EYS: variants seen among roughly 807,000 people sequenced by gnomAD.
The protein encoded by EYS is protein eyes shut homolog.
In EYS, 250 loss-of-function variants were observed where a neutral mutation model predicts 282.1. The ratio of observed to expected loss-of-function variants is 0.89; its 90% CI spans 0.80 to 0.98. The LOEUF (loss-of-function observed/expected upper bound fraction) is 0.98. EYS is among the 50% of genes least tolerant of loss of function. The probability of loss-of-function intolerance (pLI) is 0.00; values close to 1 mark genes in which losing one functional copy is unlikely to be tolerated. For synonymous variants in EYS, 1,355 were observed against 1,282.9 expected (o/e 1.06, Z -1.20); for missense variants, 4,016 against 3,709.0 (o/e 1.08, Z -2.15).
At chr6:64,361,458 A>G (rs1375488994) in intron 29 of EYS, among the ~76,000 whole-genome samples, 3 of 151,804 alleles carry the variant, frequency 2.0e-5, no homozygotes, top group Non-Finnish European at 4.4e-5. Flanking sequence ...TAATTTGAAG[A>G]AGATAATATA....
intron 26 of EYS, among the ~76,000 whole-genome samples, chr6:64,538,276 A>C (rs1009980727): frequency 6.6e-6 from 1 of 152,204 alleles, no homozygotes; most frequent in Non-Finnish European, 1.5e-5. Flanking sequence ...TAGACAAATT[A>C]GTTCATAATT....
At chr6:64,286,218 A>T (rs367768402) in intron 30 of EYS, among the ~76,000 whole-genome samples, 14 of 152,168 alleles carry the variant, frequency 9.2e-5, no homozygotes, top group African/African-American at 3.4e-4. Context: ...GTGAGGGATG[A>T]CCAAGAAGAA....
chr6:63,910,944 A>G (rs1562092220), intron 35 of EYS, among the ~76,000 whole-genome samples: 1 of 152,194 alleles, frequency 6.6e-6, no homozygotes, highest in African/African-American at 2.4e-5. Context: ...AAAAGAAATA[A>G]AACATATTTC....
intron 26 of EYS, among the ~76,000 whole-genome samples, chr6:64,550,080 G>T (rs905966862): frequency 2.0e-5 from 3 of 152,084 alleles, no homozygotes; most frequent in African/African-American, 7.2e-5. Flanking sequence ...CCTTTTTTAT[G>T]GCTGCATAGT....
intron 41 of EYS, among the ~76,000 whole-genome samples, chr6:63,762,046 C>T (rs967026024): frequency 1.3e-5 from 2 of 151,974 alleles, no homozygotes; most frequent in East Asian, 1.9e-4. Context: ...CATTTCTCCT[C>T]TCTAATTTCC....
chr6:64,816,639 A>G lies in EYS; in HGVS notation c.3244-3062T>C, dbSNP rs536130196. ...AGAACATAATGGCATTTATTTAAAC[A>G]AAAGATACATATACCAATAAGTAAT... On this transcript the variant is annotated intron_variant, in intron 21 of 42. Transcript: ENST00000503581. Among the ~76,000 whole-genome samples the G allele has an allele frequency of 2.6e-5, 4 of 152,286 alleles. No individual in the cohort carries two copies. In the South Asian group the frequency reaches 8.3e-4, roughly 32 times the overall value.
At position 65,077,196 on chromosome 6, in the gene EYS, C is replaced by T. The variant is rs538874760; in HGVS notation, c.2024-19469G>A. ...GCCCTAAGGTTGAGTGTGAACAAACCTATGGGTAATCTATAATTATCACAG... is the reference window on the plus strand; with the variant it reads ...GCCCTAAGGTTGAGTGTGAACAAACTTATGGGTAATCTATAATTATCACAG... On this transcript the variant is annotated intron_variant, in intron 12 of 42. Transcript: ENST00000503581. 2.6e-5 allele frequency among the ~76,000 whole-genome samples: 4 copies of T among 152,084 alleles called. No homozygotes were observed. The South Asian group carries it at 8.3e-4, about 32-fold the overall frequency.
In EYS at chr6:64,674,131, T is replaced by C. The variant is rs116119208; in HGVS notation, c.3444-47886A>G. Among the ~76,000 whole-genome samples the C allele has an allele frequency of 8.8e-4, 134 of 152,222 alleles. 1 individual carries two copies. Among genetic ancestry groups the C allele is most frequent in the African/African-American group, 3.1e-3 (127 of 41,564 alleles). ...TTGCATAGAGGCCTATGAACTTCAA[T>C]AAATATTTAAAATCTATTCTTTACT... On this transcript the variant is annotated intron_variant, in intron 22 of 42. Transcript: ENST00000503581.
At chr6:65,016,071 G>GAAA (rs561989962) in intron 13 of EYS, among the ~76,000 whole-genome samples, 14 of 115,756 alleles carry the variant, frequency 1.2e-4, no homozygotes, top group Middle Eastern at 0.011. Context: ...AAAAGAAAAA[G>GAAA]AAAAAAAAAA....
chr6:63,971,559 C>G (rs1051124778), intron 35 of EYS, among the ~76,000 whole-genome samples: 9 of 152,110 alleles, frequency 5.9e-5, no homozygotes. Context: ...ATTCTACAAT[C>G]ATGCATATAA....
At chr6:64,420,122 C>A (rs1469225041) in intron 28 of EYS, among the ~76,000 whole-genome samples, 6 of 152,202 alleles carry the variant, frequency 3.9e-5, no homozygotes, top group African/African-American at 4.8e-5. Flanking sequence ...GCTCCCCAAA[C>A]CTCAGTTCTC....
chr6:65,537,252 T>C (rs924817900), intron 2 of EYS, among the ~76,000 whole-genome samples: 9 of 152,106 alleles, frequency 5.9e-5, no homozygotes, highest in African/African-American at 2.2e-4. Flanking sequence ...ATGTAGATGA[T>C]GGGTTGATGG....
intron 22 of EYS, among the ~76,000 whole-genome samples, chr6:64,689,178 C>T (rs558113453): frequency 6.6e-6 from 1 of 152,206 alleles, no homozygotes; most frequent in South Asian, 2.1e-4. Context: ...ACACTAATAA[C>T]AGACAAACAG....
chr6:64,024,049 C>G (rs1445160676), intron 33 of EYS, among the ~76,000 whole-genome samples: 1 of 152,206 alleles, frequency 6.6e-6, no homozygotes, highest in Non-Finnish European at 1.5e-5. Flanking sequence ...CTGCCCGAGC[C>G]TCCCCGATGA....
intron 22 of EYS, among the ~76,000 whole-genome samples, chr6:64,751,125 G>A (rs764250353): frequency 3.9e-5 from 6 of 152,160 alleles, no homozygotes; most frequent in Non-Finnish European, 7.4e-5. Flanking sequence ...TTAGGAGCTT[G>A]AGTTGCCCCT....
chr6:65,565,355 C>G (rs1582462532), intron 2 of EYS, among the ~76,000 whole-genome samples: 1 of 151,132 alleles, frequency 6.6e-6, no homozygotes. Context: ...AAAAGCTCAC[C>G]ATCACTGGTC....
rs372018815 is a variant in EYS at position 65,050,584 on chromosome 6, A to C, written c.2137+7030T>G. On this transcript the variant is annotated intron_variant, in intron 13 of 42. Transcript: ENST00000503581. ...CTTGACTTTAATACATTTCCAGAACATTAGAGATGGTTGTTTGGGTAGCCC... is the reference window on the plus strand; with the variant it reads ...CTTGACTTTAATACATTTCCAGAACCTTAGAGATGGTTGTTTGGGTAGCCC... Among the ~76,000 whole-genome samples the C allele has an allele frequency of 1.5e-4, 23 of 151,724 alleles. 1 individual carries two copies. In the East Asian group the frequency reaches 3.9e-3, roughly 26 times the overall value.
Position 65,508,444 on chromosome 6 carries a change from C to T in EYS, c.-332-12451G>A, listed in dbSNP as rs563896402. 3.0e-3 allele frequency among the ~76,000 whole-genome samples: 462 copies of T among 151,962 alleles called. 1 individual carries two copies. Among genetic ancestry groups the T allele is most frequent in the African/African-American group, 0.011 (440 of 41,460 alleles). ...ATCCCAGCACTTTGGGAGGCCTAGA[C>T]GGGCAGATCACGAGGTCAGGAGATC... On this transcript the variant is annotated intron_variant, in intron 2 of 42. Transcript: ENST00000503581.
At chr6:64,980,523 C>A (rs1267763973) in intron 14 of EYS, among the ~76,000 whole-genome samples, 1 of 151,304 alleles carries the variant, frequency 6.6e-6, no homozygotes, top group African/African-American at 2.4e-5. Flanking sequence ...ATAGCAGCTG[C>A]ATTTATATTA....
Sources: gnomAD v4.1 joint callset for allele counts (sites outside exome capture counted in the v4.1 genomes callset) on GRCh38, gnomAD v4.1.1 for gene constraint, MANE v1.5 for transcripts, NCBI Gene and HGNC (gene_info 2026-07-23, HGNC 2026-07-21) for gene names.